Variants in ITGAD observed in about 807,000 individuals in gnomAD.
The protein encoded by ITGAD is integrin alpha-D.
A neutral mutation model predicts 139.0 loss-of-function variants in ITGAD; 105 were observed. That is an observed-to-expected ratio of 0.76 (90% CI 0.65 to 0.89). The LOEUF (loss-of-function observed/expected upper bound fraction) is 0.89. ITGAD is among the 40% of genes least tolerant of loss of function. The pLI, the probability that ITGAD is intolerant of heterozygous loss-of-function variation, is 0.00. For missense variants in ITGAD, 1,384 were observed against 1,487.3 expected, an observed-to-expected ratio of 0.93 and a Z score of 1.14; for synonymous variants, 569 against 598.3, an observed-to-expected ratio of 0.95 and a Z score of 0.71.
chr16:31,400,442 C>T (rs2081375229), intron 5 of ITGAD, among the ~76,000 whole-genome samples: 1 of 152,160 alleles, frequency 6.6e-6, no homozygotes, highest in African/African-American at 2.4e-5. Flanking sequence ...GCCCTGCGGG[C>T]AGCACAGGAT....
At chr16:31,423,309 G>C (rs762966144) in intron 24 of ITGAD, 43 bp from the exon 25 acceptor site, 3 of 1,596,838 alleles carry the variant, frequency 1.9e-6, no homozygotes, top group South Asian at 1.1e-5. Flanking sequence ...GGATTTGGAA[G>C]GCTCCAGAGA....
chr16:31,407,477 A>G (rs368042660), intron 7 of ITGAD, 38 bp from the exon 8 acceptor site: 4 of 1,515,318 alleles, frequency 2.6e-6, no homozygotes, highest in African/African-American at 1.4e-5. Context: ...AGAATCAATC[A>G]CATCTCAGTA....
At chr16:31,422,531 T>A (rs1437879770) in intron 23 of ITGAD, among the ~76,000 whole-genome samples, 1 of 152,130 alleles carries the variant, frequency 6.6e-6, no homozygotes, top group African/African-American at 2.4e-5. Flanking sequence ...CAGCTCTCAT[T>A]CCTAGAGTCC....
intron 7 of ITGAD, chr16:31,404,076 T>C (rs1467967279): frequency 6.0e-6 from 1 of 166,260 alleles, no homozygotes; most frequent in East Asian, 1.7e-4. Flanking sequence ...GTGTGTGGGG[T>C]GCTCAGCCCG....
At position 31,408,436 on chromosome 16, in the gene ITGAD, A is replaced by G. The variant is rs1233776179; in HGVS notation, c.1021A>G (p.Arg341Gly). Residue 341 changes from arginine to glycine, a missense_variant, in exon 10 of 30, where the codon AGG becomes GGG. Transcript: ENST00000389202. ...CTGTTTCCCCACAGGAACCCAGTCC[A>G]GGGCAAGCAGCTCCTTCCAGCACGA... is the stretch of plus-strand genomic sequence containing the variant. ...KIYAVEGTQS[R>G]ASSSFQHEMS... 1 of 1,613,868 alleles carries G rather than the reference A, an allele frequency of 6.2e-7. No individual in the cohort carries two copies. Among genetic ancestry groups the G allele is most frequent in the African/African-American group, 1.3e-5 (1 of 74,922 alleles).
chr16:31,413,872 G>A (rs752151560), intron 16 of ITGAD, among the ~76,000 whole-genome samples: 1 of 152,128 alleles, frequency 6.6e-6, no homozygotes, highest in Non-Finnish European at 1.5e-5. Context: ...TGGTCCATCC[G>A]GGATGGCAGC....
At chr16:31,417,029 T>C (rs1258819831) in intron 20 of ITGAD, among the ~76,000 whole-genome samples, 14 of 67,244 alleles carry the variant, frequency 2.1e-4, no homozygotes, top group Admixed American at 6.8e-4. Context: ...CTCCCTTACT[T>C]CCTCCCTCCC....
Position 31,424,600 on chromosome 16 carries a change from T to C in ITGAD, c.3372+23T>C, listed in dbSNP as rs553426671. The C allele has an allele frequency of 1.1e-5, 14 of 1,272,320 alleles. No individual in the cohort carries two copies. The East Asian group carries it at 3.3e-4, about 30-fold the overall frequency. The allele number at this position is 1,272,320 out of a possible 1,614,324, so 78.8% of individuals were successfully genotyped here. ...AAGGCAAGTGTTTTATCCAACTCTT[T>C]TTTTTTTTTTTTTGAGATGGAGTTT... is the stretch of plus-strand genomic sequence containing the variant. On this transcript the variant is annotated intron_variant, in intron 29 of 29. Transcript: ENST00000389202.
In ITGAD at chr16:31,416,689, TGCCCTGTA is replaced by T. The variant is rs1460479804; in HGVS notation, c.2499+48_2499+55del. 6 of 1,566,544 alleles carry T rather than the reference TGCCCTGTA, an allele frequency of 3.8e-6. No individual in the cohort carries two copies. In the African/African-American group the frequency reaches 6.8e-5, roughly 18 times the overall value. On this transcript the variant is annotated intron_variant, in intron 20 of 29. Transcript: ENST00000389202. ...CTCTAGTGGGAGGGGGCCTCTCCCC[TGCCCTGTA>T]GCCCCGGGAGTTACACAGTGTTCTT...
In ITGAD at chr16:31,411,651, CTT is replaced by C. The variant is rs955005598; in HGVS notation, c.1707+135_1707+136del. The C allele has an allele frequency of 8.0e-4, 660 of 828,610 alleles. 8 individuals are homozygous for C. The highest frequency in any genetic ancestry group is 7.3e-4 in the Middle Eastern group (3 of 4,110). The allele number at this position is 828,610 out of a possible 1,614,324, so 51.3% of individuals were successfully genotyped here. A position where few individuals can be genotyped will look rare whatever the true frequency, so the allele number is the denominator to read the frequency against. On this transcript the variant is annotated intron_variant, in intron 14 of 29. Transcript: ENST00000389202. ...TGTCAGCTAAGCACACGTCATCTCT[CTT>C]CTCTCCTTTGTTCCAGAAAGCCTTC...
At chr16:31,400,532 T>C (rs553273920) in intron 5 of ITGAD, among the ~76,000 whole-genome samples, 119 of 152,130 alleles carry the variant, frequency 7.8e-4, no homozygotes, top group Non-Finnish European at 5.6e-4. Flanking sequence ...GCATGAAAAG[T>C]CTTATTTGTT....
chr16:31,397,375 C>G lies in ITGAD; in HGVS notation c.154C>G (p.Pro52Ala). 1 of 1,601,322 alleles carries G rather than the reference C, an allele frequency of 6.2e-7. No homozygotes were observed. Among genetic ancestry groups the G allele is most frequent in the Non-Finnish European group, 8.5e-7 (1 of 1,174,450 alleles). ...TGTCTCCAGACTCGTGGTGGGAGCA[C>G]CCCTGGAGGTGGTGGCGGCCAACCA... is the stretch of plus-strand genomic sequence containing the variant. ...FGGSRLVVGA[P>A]LEVVAANQTG... is the part of the protein sequence containing the mutation. The change falls in exon 3 of 30, where the codon CCC becomes GCC. Residue 52 changes from proline (P) to alanine (A), a missense_variant. By Grantham distance (27) the Pro-to-Ala change is conservative. Coordinates refer to ENST00000389202, the MANE Select transcript of ITGAD (RefSeq NM_005353.3).
At chr16:31,414,244 T>TATCC in intron 16 of ITGAD, among the ~76,000 whole-genome samples, 2 of 51,944 alleles carry the variant, frequency 3.9e-5, no homozygotes, top group Admixed American at 2.1e-4. Flanking sequence ...ATCTATTATC[T>TATCC]AGCCATCCAT....
At position 31,412,923 on chromosome 16, in the gene ITGAD, T is replaced by C. The variant is rs2081769300; in HGVS notation, c.1793T>C (p.Leu598Pro). The change falls in exon 15 of 30, where the codon CTG becomes CCG. Residue 598 changes from leucine (L) to proline (P), a missense_variant. By Grantham distance (98) the Leu-to-Pro change is moderately conservative (BLOSUM62 -3). Coordinates refer to ENST00000389202, the MANE Select transcript of ITGAD (RefSeq NM_005353.3). ...SGGQDLTQDG[L>P]MDLAVGARGQ... ...GGTCAGGACCTCACCCAGGATGGAC[T>C]GATGGACCTGGCCGTGGGGGCCCGG... 1 of 1,612,620 alleles carries C rather than the reference T, an allele frequency of 6.2e-7. No individual in the cohort carries two copies. Among genetic ancestry groups the C allele is most frequent in the African/African-American group, 1.3e-5 (1 of 74,886 alleles).
In ITGAD at chr16:31,402,252, A is replaced by C; in HGVS notation, c.558+7A>C. 2 of 1,205,952 alleles carry C rather than the reference A, an allele frequency of 1.7e-6. No individual in the cohort carries two copies. Among genetic ancestry groups the C allele is most frequent in the East Asian group, 4.3e-5 (1 of 23,156 alleles). 74.7% of individuals were successfully genotyped at this position (1,205,952 alleles called of 1,614,324 possible). ...TGAGGGCACTGACACCCTGGTGAAG[A>C]CTGGGCACCTGGGGCTGGGGTTTGG... On this transcript the variant is annotated splice_region_variant and intron_variant, in intron 6 of 29. Transcript: ENST00000389202.
intron 23 of ITGAD, among the ~76,000 whole-genome samples, chr16:31,419,076 C>T (rs2081957977): frequency 6.6e-6 from 1 of 151,006 alleles, no homozygotes; most frequent in Non-Finnish European, 1.5e-5. Context: ...GCCTGTAATC[C>T]CAGCTACTCA....
intron 6 of ITGAD, 140 bp downstream of exon 6, chr16:31,402,385 C>T: frequency 1.4e-6 from 1 of 731,400 alleles, no homozygotes. Flanking sequence ...GGTCCCAGCA[C>T]AGGCCCAACT....
At position 31,397,607 on chromosome 16, in the gene ITGAD, G is replaced by T. The variant is rs1320317840; in HGVS notation, c.253G>T (p.Ala85Ser). ...QPIPLHIRPEAVNMSLGLTLA... is the reference protein window; with the variant it reads ...QPIPLHIRPESVNMSLGLTLA... ...GTCTGCCCTTGCAGTCCGCCCTGAG[G>T]CCGTGAACATGTCCTTGGGCCTGAC... Residue 85 changes from alanine to serine, a missense_variant, in exon 4 of 30, where the codon GCC (alanine) becomes TCC (serine). By Grantham distance (99) the Ala-to-Ser change is moderately conservative. Coordinates refer to ENST00000389202, the MANE Select transcript of ITGAD (RefSeq NM_005353.3). 6.2e-7 allele frequency: 1 copy of T among 1,606,156 alleles called. No homozygotes were observed. Among genetic ancestry groups the T allele is most frequent in the Non-Finnish European group, 8.5e-7 (1 of 1,179,726 alleles).
Position 31,424,243 on chromosome 16 carries a change from G to A in ITGAD, c.3261+40G>A, listed in dbSNP as rs112843748. On this transcript the variant is annotated intron_variant, in intron 28 of 29. Coordinates refer to ENST00000389202, the MANE Select transcript of ITGAD (RefSeq NM_005353.3). Reference sequence around the variant, plus strand: ...GAGGGCAGCGACCAGCTGGAAAGAGGACCCCTAGGGCTACATCTGTGGTGC... The same window carrying A: ...GAGGGCAGCGACCAGCTGGAAAGAGAACCCCTAGGGCTACATCTGTGGTGC... 1,698 of 1,609,352 alleles carry A rather than the reference G, an allele frequency of 1.1e-3. 16 individuals are homozygous for A. The African/African-American group carries it at 0.017, about 16-fold the overall frequency.
Sources: allele counts gnomAD v4.1 joint callset (sites outside exome capture counted in the v4.1 genomes callset), GRCh38; gene constraint gnomAD v4.1.1; transcripts MANE v1.5; gene names NCBI Gene and HGNC (gene_info 2026-07-23, HGNC 2026-07-21).